Variants in CDK11A observed in about 807,000 individuals in gnomAD.
The protein encoded by CDK11A is cyclin-dependent kinase 11A.
CDK11A carries 55 observed loss-of-function variants against 83.6 expected under a neutral mutation model. The ratio of observed to expected loss-of-function variants is 0.66; its 90% CI spans 0.53 to 0.82. The LOEUF is 0.82. Among genes scored for constraint, CDK11A ranks in the 40% least tolerant of loss-of-function variants. The pLI, the probability that CDK11A is intolerant of heterozygous loss-of-function variation, is 0.00. For synonymous variants in CDK11A, 247 were observed against 302.7 expected, an observed-to-expected ratio of 0.82 and a Z score of 1.91; for missense variants, 564 against 810.1, an observed-to-expected ratio of 0.70 and a Z score of 3.69.
chr1:1,721,481 A>C, intron 3 of CDK11A, 115 bp downstream of exon 3: 1 of 1,233,050 alleles, frequency 8.1e-7, no homozygotes, highest in East Asian at 2.5e-5. Context: ...TAACTCTAGG[A>C]AAGAGTAAAC....
In CDK11A at chr1:1,703,980, G is replaced by A. The variant is rs368479406; in HGVS notation, c.1795-40C>T. Reference sequence around the variant, plus strand: ...GAGGTGTTCAGGAAGGCCAGTGCCCGCGAAGCTGTGGGAGGCTGCATGGGG... The same window carrying A: ...GAGGTGTTCAGGAAGGCCAGTGCCCACGAAGCTGTGGGAGGCTGCATGGGG... On this transcript the variant is annotated intron_variant, in intron 16 of 19. Coordinates refer to ENST00000404249, the MANE Select transcript of CDK11A (RefSeq NM_024011.4). The A allele has an allele frequency of 4.3e-5, 69 of 1,607,272 alleles. 5 individuals carry two copies. The South Asian group carries it at 4.5e-4, about 11-fold the overall frequency.
Position 1,718,529 on chromosome 1 carries a change from GCT to G in CDK11A, c.355+797_355+798del, listed in dbSNP as rs548569455. On this transcript the variant is annotated intron_variant, in intron 4 of 19. Coordinates refer to ENST00000404249, the MANE Select transcript of CDK11A (RefSeq NM_024011.4). ...ACACGCACGCTTTCAGCTAGAGTTT[GCT>G]CTCTCTGGTTTTCGGTCTGTGACAC... 1.5e-4 allele frequency among the ~76,000 whole-genome samples: 23 copies of G among 149,084 alleles called. No individual in the cohort carries two copies. In the East Asian group the frequency reaches 3.2e-3, roughly 21 times the overall value.
At position 1,707,098 on chromosome 1, in the gene CDK11A, C is replaced by G. The variant is rs554888338; in HGVS notation, c.1245+311G>C. Among the ~76,000 whole-genome samples, 277 of 143,722 alleles carry G rather than the reference C, an allele frequency of 1.9e-3. 9 individuals are homozygous for G. Among genetic ancestry groups the G allele is most frequent in the African/African-American group, 7.3e-3 (265 of 36,470 alleles). 94.3% of individuals were successfully genotyped at this position (143,722 alleles called of 152,430 possible). ...CGCAGGGGTCAAGTGGAAGGCACTG[C>G]TCTCCAGTGCGGAGGAGGACGCAAC... On this transcript the variant is annotated intron_variant, in intron 11 of 19. Transcript: ENST00000404249.
In CDK11A at chr1:1,703,630, A is replaced by C; in HGVS notation, c.1912-6T>G. ...TCACTGGGGGTCCCCAGCTCCTGAA[A>C]GACAGAGGTGCTTCAACAGCCACAC... On this transcript the variant is annotated splice_polypyrimidine_tract_variant and splice_region_variant and intron_variant, in intron 17 of 19. Transcript: ENST00000404249. 2 of 1,593,620 alleles carry C rather than the reference A, an allele frequency of 1.3e-6. No homozygotes were observed. Among genetic ancestry groups the C allele is most frequent in the East Asian group, 4.5e-5 (2 of 43,974 alleles).
chr1:1,723,488 C>CAAAAAAA (rs768913380), intron 1 of CDK11A, among the ~76,000 whole-genome samples: 8 of 20,630 alleles, frequency 3.9e-4, no homozygotes, highest in East Asian at 2.3e-3. Flanking sequence ...GACCCCGTCT[C>CAAAAAAA]AAAAAAAAAA....
intron 3 of CDK11A, among the ~76,000 whole-genome samples, chr1:1,720,505 TCTC>T (rs1184012022): frequency 6.6e-6 from 1 of 150,960 alleles, no homozygotes; most frequent in Admixed American, 6.6e-5. Flanking sequence ...TTCGAGCAAT[TCTC>T]CTGCCTCAGC....
rs1354827139 is a variant in CDK11A at position 1,704,337 on chromosome 1, C to T, written c.1572G>A (p.Val524=). Residue 524 remains valine (V), a synonymous_variant, in exon 15 of 20, where the codon GTG becomes GTA. Transcript: ENST00000404249. The part of the protein sequence containing the change: ...TMKQPFLPGE[V]KTLMIQLLRG... ...GCAGCAGCTGGATCATCAGGGTCTT[C>T]ACCTCCCCTGGGAGGGAGGGAGGCT... 13 of 1,607,124 alleles carry T rather than the reference C, an allele frequency of 8.1e-6. 1 individual carries two copies. Among genetic ancestry groups the T allele is most frequent in the Non-Finnish European group, 1.1e-5 (13 of 1,176,128 alleles).
In CDK11A at chr1:1,704,043, G is replaced by A. The variant is rs1331397300; in HGVS notation, c.1790C>T (p.Ala597Val). The change falls in exon 16 of 20, where the codon GCC (alanine) becomes GTC (valine). Residue 597 changes from alanine to valine, a missense_variant. Coordinates refer to ENST00000404249, the MANE Select transcript of CDK11A (RefSeq NM_024011.4). ...WYRAPELLLGAKEYSTAVDMW... is the reference protein window; with the variant it reads ...WYRAPELLLGVKEYSTAVDMW... ...ACTCAGACGCCCAGGACTCACCTTG[G>A]CACCAAGCAGCAGCTCTGGGGCGCG... The A allele has an allele frequency of 1.0e-5, 16 of 1,595,350 alleles. 1 individual carries two copies. The highest frequency in any genetic ancestry group is 1.3e-5 in the African/African-American group (1 of 74,260).
In CDK11A at chr1:1,716,332, C is replaced by T; in HGVS notation, c.488+14G>A. 6.2e-7 allele frequency: 1 copy of T among 1,607,954 alleles called. No individual in the cohort carries two copies. The highest frequency in any genetic ancestry group is 8.5e-7 in the Non-Finnish European group (1 of 1,176,016). On this transcript the variant is annotated intron_variant, in intron 5 of 19. Coordinates refer to ENST00000404249, the MANE Select transcript of CDK11A (RefSeq NM_024011.4). ...GCCCTTTCATAAAGTCCTCAACTGA[C>T]CCAGCCCACTCACCTTTCTCTCCTG...
intron 5 of CDK11A, among the ~76,000 whole-genome samples, chr1:1,715,434 C>T (rs1312192129): frequency 6.7e-6 from 1 of 148,498 alleles, no homozygotes; most frequent in Non-Finnish European, 1.5e-5. Context: ...CTATCCCAAG[C>T]TCTACTCTCG....
In CDK11A at chr1:1,721,666, G is replaced by A. The variant is rs1321993104; in HGVS notation, c.157C>T (p.Leu53=). 1 of 1,599,592 alleles carries A rather than the reference G, an allele frequency of 6.3e-7. No homozygotes were observed. The highest frequency in any genetic ancestry group is 8.6e-7 in the Non-Finnish European group (1 of 1,168,030). The change falls in exon 3 of 20, where the codon CTG becomes TTG. Residue 53 remains leucine, a synonymous_variant. Coordinates refer to ENST00000404249, the MANE Select transcript of CDK11A (RefSeq NM_024011.4). Reference sequence around the variant, plus strand: ...GTGATCTCCATGCAGTGATCTCTCAGCTCCCCCTCCTCAAGGGAATCCCGC... The same window carrying A: ...GTGATCTCCATGCAGTGATCTCTCAACTCCCCCTCCTCAAGGGAATCCCGC... ...SKRDSLEEGE[L]RDHCMEITIR...
intron 4 of CDK11A, among the ~76,000 whole-genome samples, chr1:1,718,133 G>A (rs1390940005): frequency 3.4e-5 from 5 of 145,986 alleles, no homozygotes; most frequent in Non-Finnish European, 3.0e-5. Context: ...TGTGACACAC[G>A]CATGCTTTCA....
rs1557779514 is a variant in CDK11A, at chr1:1,704,321, G to A, written c.1588C>T (p.Gln530Ter). The A allele has an allele frequency of 1.2e-6, 2 of 1,607,396 alleles. No homozygotes were observed. The highest frequency in any genetic ancestry group is 1.7e-6 in the Non-Finnish European group (2 of 1,176,110). ...AGGTGTTTCACCCCCCGCAGCAGCTGGATCATCAGGGTCTTCACCTCCCCT... is the reference window on the plus strand; with the variant it reads ...AGGTGTTTCACCCCCCGCAGCAGCTAGATCATCAGGGTCTTCACCTCCCCT... ...LPGEVKTLMI[Q>*]LLRGVKHLHD... The change falls in exon 15 of 20, where the codon CAG becomes TAG. Residue 530 changes from glutamine to a stop codon, truncating the protein, a stop_gained. Coordinates refer to ENST00000404249, the MANE Select transcript of CDK11A (RefSeq NM_024011.4). LOFTEE classifies it high-confidence loss of function.
rs767371982 is a variant in CDK11A at position 1,716,435 on chromosome 1, T to A, written c.399A>T (p.Lys133Asn). The change falls in exon 5 of 20, where the codon AAA becomes AAT. Residue 133 changes from lysine (K) to asparagine (N), a missense_variant. Coordinates refer to ENST00000404249, the MANE Select transcript of CDK11A (RefSeq NM_024011.4). ...RVKEREHERR[K>N]RHREEQDKAR... ...CTTTATCCTGTTCTTCTCGATGTCG[T>A]TTCCGACGTTCGTGCTCTCTTTCTT... The A allele has an allele frequency of 6.2e-7, 1 of 1,608,718 alleles. No homozygotes were observed. The highest frequency in any genetic ancestry group is 1.1e-5 in the South Asian group (1 of 90,734).
rs377731280 is a variant in CDK11A at position 1,704,090 on chromosome 1, C to T, written c.1743G>A (p.Pro581=). Residue 581 remains proline, a synonymous_variant, in exon 16 of 20, where the codon CCG becomes CCA. Transcript: ENST00000404249. ...EYGSPLKAYT[P]VVVTQWYRAP... is the part of the protein sequence containing the mutation. ...CGCGGTACCACTGGGTCACCACGAC[C>T]GGGGTGTAGGCCTTCAGAGGGGATC... The T allele has an allele frequency of 3.6e-5, 57 of 1,598,722 alleles. 4 individuals are homozygous for T. The African/African-American group carries it at 4.7e-4, about 13-fold the overall frequency.
chr1:1,716,347 T>C lies in CDK11A; in HGVS notation c.487A>G (p.Arg163Gly). The change falls in exon 5 of 20, where the codon AGG (arginine) becomes GGG (glycine). Residue 163 changes from arginine to glycine, a missense_variant and splice_region_variant. This residue lies in a region of CDK11A where 151 missense variants were observed against 147.4 expected (regional missense o/e 1.02). Coordinates refer to ENST00000404249, the MANE Select transcript of CDK11A (RefSeq NM_024011.4). Reference protein sequence around the residue: ...EMAREHSRRERDRLEQLERKR... With the variant: ...EMAREHSRREGDRLEQLERKR... ...CCTCAACTGACCCAGCCCACTCACC[T>C]TTCTCTCCTGGAATGCTCCCTTGCC... 6.2e-7 allele frequency: 1 copy of C among 1,608,840 alleles called. No individual in the cohort carries two copies. The highest frequency in any genetic ancestry group is 1.3e-5 in the African/African-American group (1 of 74,590).
chr1:1,723,190 A>ACTG (rs1326146524), intron 1 of CDK11A, among the ~76,000 whole-genome samples: 1 of 43,166 alleles, frequency 2.3e-5, no homozygotes, highest in Non-Finnish European at 5.5e-5. Context: ...ATGAGCCAAG[A>ACTG]CTGCGCCACT....
At chr1:1,720,827 G>A (rs144582149) in intron 3 of CDK11A, among the ~76,000 whole-genome samples, 1 of 151,278 alleles carries the variant, frequency 6.6e-6, no homozygotes, top group East Asian at 1.9e-4. Context: ...GAGTAGCTGG[G>A]ACTACAGGTG....
intron 5 of CDK11A, among the ~76,000 whole-genome samples, chr1:1,716,028 G>A (rs1485225152): frequency 6.6e-6 from 1 of 150,828 alleles, no homozygotes; most frequent in African/African-American, 2.4e-5. Context: ...CCAGGCTCAA[G>A]GGATCCAACC....
Sources: gnomAD v4.1 joint callset for allele counts (sites outside exome capture counted in the v4.1 genomes callset) on GRCh38, gnomAD v4.1.1 for gene constraint, gnomAD v4.1.1 regional missense constraint, MANE v1.5 for transcripts, NCBI Gene and HGNC (gene_info 2026-07-23, HGNC 2026-07-21) for gene names.